WFDC8: variants seen among roughly 807,000 people sequenced by gnomAD.
The protein encoded by WFDC8 is WAP four-disulfide core domain protein 8.
WFDC8 carries 24 observed loss-of-function variants against 27.0 expected under a neutral mutation model. The ratio of observed to expected loss-of-function variants is 0.89; its 90% CI spans 0.64 to 1.25. WFDC8 has a LOEUF of 1.25. Among genes scored for constraint, WFDC8 ranks in the 50% most tolerant of loss-of-function variants. The pLI is 0.00. For synonymous variants in WFDC8, 106 were observed against 99.7 expected (o/e 1.06, Z -0.38); for missense variants, 287 against 295.9 (o/e 0.97, Z 0.22).
chr20:45,555,502 C>G (rs1258288994), intron 4 of WFDC8, among the ~76,000 whole-genome samples, 199 bp downstream of exon 4: 2 of 152,164 alleles, frequency 1.3e-5, no homozygotes, highest in African/African-American at 4.8e-5. Flanking sequence ...TAGGTAAATA[C>G]TATTATTAAC....
At chr20:45,561,782 G>A (rs575629671) in intron 2 of WFDC8, among the ~76,000 whole-genome samples, 3 of 149,992 alleles carry the variant, frequency 2.0e-5, no homozygotes, top group East Asian at 2.0e-4. Context: ...GTGTACAGTG[G>A]GAATGAATGT....
At chr20:45,565,091 G>A (rs1385013663) in intron 1 of WFDC8, among the ~76,000 whole-genome samples, 1 of 149,438 alleles carries the variant, frequency 6.7e-6, no homozygotes, top group African/African-American at 2.5e-5. Flanking sequence ...AGAGAAAGAG[G>A]GAGGGAAAGA....
intron 1 of WFDC8, among the ~76,000 whole-genome samples, chr20:45,571,994 A>C (rs1980883946): frequency 6.6e-6 from 1 of 152,160 alleles, no homozygotes; most frequent in Non-Finnish European, 1.5e-5. Context: ...TATATACCCA[A>C]ATATGGGATT....
intron 1 of WFDC8, among the ~76,000 whole-genome samples, chr20:45,573,275 T>A (rs997408883): frequency 6.6e-6 from 1 of 152,226 alleles, no homozygotes; most frequent in African/African-American, 2.4e-5. Flanking sequence ...CTTTTGTCCA[T>A]TTTGAGTTGA....
chr20:45,560,480 G>A (rs1980426829), intron 2 of WFDC8, among the ~76,000 whole-genome samples: 1 of 152,182 alleles, frequency 6.6e-6, no homozygotes, highest in African/African-American at 2.4e-5. Context: ...AGCGCTTAAT[G>A]TGTCTCCATG....
chr20:45,562,014 G>T, intron 2 of WFDC8, 96 bp downstream of exon 2: 3 of 1,120,790 alleles, frequency 2.7e-6, no homozygotes, highest in South Asian at 1.4e-5. Flanking sequence ...CCACAGTAGA[G>T]GGGGCCTCAT....
intron 1 of WFDC8, among the ~76,000 whole-genome samples, chr20:45,573,032 A>G (rs6094173): frequency 0.36 from 54,897 of 152,124 alleles, 10,580 homozygotes; most frequent in Non-Finnish European, 0.43. Context: ...TCATCATAGT[A>G]TGGTTTGCAA....
intron 3 of WFDC8, among the ~76,000 whole-genome samples, chr20:45,557,568 G>C (rs1002277137): frequency 2.6e-5 from 4 of 152,082 alleles, no homozygotes; most frequent in African/African-American, 9.7e-5. Context: ...GAGTAGCCGG[G>C]ATTACAGGCA....
At chr20:45,562,935 G>A (rs1241712376) in intron 1 of WFDC8, among the ~76,000 whole-genome samples, 1 of 152,170 alleles carries the variant, frequency 6.6e-6, no homozygotes, top group Non-Finnish European at 1.5e-5. Flanking sequence ...AAATGCAAGA[G>A]GTGGGTAGAG....
At chr20:45,568,824 C>T (rs1980773005) in intron 1 of WFDC8, 1 of 330,226 alleles carries the variant, frequency 3.0e-6, no homozygotes, top group Non-Finnish European at 6.2e-6. Flanking sequence ...ATAGTGAGGT[C>T]TCCAGATGCT....
At chr20:45,564,933 A>AAAGG (rs1568639303) in intron 1 of WFDC8, among the ~76,000 whole-genome samples, 1 of 140,384 alleles carries the variant, frequency 7.1e-6, no homozygotes, top group African/African-American at 2.6e-5. Flanking sequence ...AGAGTGAAAG[A>AAAGG]AAGGAAAGAA....
chr20:45,554,937 C>T (rs568310942), intron 4 of WFDC8, among the ~76,000 whole-genome samples: 3 of 152,334 alleles, frequency 2.0e-5, no homozygotes, highest in Admixed American at 1.3e-4. Context: ...AATTGCAACG[C>T]TGCCTCATAA....
At chr20:45,579,135 C>T in intron 1 of WFDC8, 87 bp downstream of exon 1, 1 of 1,363,928 alleles carries the variant, frequency 7.3e-7, no homozygotes, top group South Asian at 1.2e-5. Flanking sequence ...CCACAGCCGA[C>T]CACTCTAACT....
intron 2 of WFDC8, among the ~76,000 whole-genome samples, chr20:45,561,564 G>A (rs6017620): frequency 0.38 from 58,187 of 151,740 alleles, 11,628 homozygotes; most frequent in Non-Finnish European, 0.43. Flanking sequence ...GGTCAATTCT[G>A]TCTCCTAAAC....
At chr20:45,568,702 G>A (rs950744817) in intron 1 of WFDC8, 6 of 533,240 alleles carry the variant, frequency 1.1e-5, no homozygotes, top group Middle Eastern at 3.3e-4. Context: ...CCACTGCCAT[G>A]CTGATCACAG....
chr20:45,558,874 C>T lies in WFDC8; in HGVS notation c.255G>A (p.Lys85=), dbSNP rs560252348. ...YQKCCFFACQ[K]KCMDPFQEPC... ...TACCTTGAAAGGGATCCATGCACTT[C>T]TTCTGACAGGCAAAAAAGCAGCACT... Residue 85 remains lysine (K), a synonymous_variant, in exon 3 of 6, where the codon AAG becomes AAA. Transcript: ENST00000289953. 3 of 1,614,174 alleles carry T rather than the reference C, an allele frequency of 1.9e-6. No homozygotes were observed. The highest frequency in any genetic ancestry group is 1.1e-5 in the South Asian group (1 of 91,080).
In WFDC8 at chr20:45,576,033, G is replaced by A. The variant is rs114998736; in HGVS notation, c.26+3189C>T. On this transcript the variant is annotated intron_variant, in intron 1 of 5. Transcript: ENST00000289953. ...GTAAGTAAGTAAATTAGTAAGCCTC[G>A]TCCAAAGATATTTTCTTCTAAATGC... Among the ~76,000 whole-genome samples the A allele has an allele frequency of 6.3e-3, 955 of 151,486 alleles. 21 individuals carry two copies. Among genetic ancestry groups the A allele is most frequent in the African/African-American group, 0.022 (921 of 41,468 alleles).
chr20:45,557,303 T>TTCA (rs1980297555), intron 3 of WFDC8, among the ~76,000 whole-genome samples: 1 of 152,192 alleles, frequency 6.6e-6, no homozygotes, highest in Admixed American at 6.5e-5. Context: ...TTTCCAAGAG[T>TTCA]TCATCAAATC....
chr20:45,568,254 T>G (rs1254553819), intron 1 of WFDC8: 1 of 236,914 alleles, frequency 4.2e-6, no homozygotes, highest in African/African-American at 2.3e-5. Context: ...CTTTGTGGTG[T>G]GGAATAGTGA....
Sources: gnomAD v4.1 joint callset for allele counts (sites outside exome capture counted in the v4.1 genomes callset) on GRCh38, gnomAD v4.1.1 for gene constraint, MANE v1.5 for transcripts, NCBI Gene and HGNC (gene_info 2026-07-23, HGNC 2026-07-21) for gene names.